Variants in ARHGAP42 observed in about 807,000 individuals in gnomAD.
The protein encoded by ARHGAP42 is Rho GTPase activating protein 42.
ARHGAP42 carries 63 observed loss-of-function variants against 125.0 expected under a neutral mutation model. The observed-to-expected ratio is 0.50, with a 90% CI of 0.41 to 0.62. The LOEUF (loss-of-function observed/expected upper bound fraction) is 0.62, where lower values mean the gene tolerates loss of function less well. Ranked by LOEUF, ARHGAP42 falls within the 20% of genes least tolerant of loss-of-function variation. The pLI is 0.00. For missense variants in ARHGAP42, 766 were observed against 1,024.2 expected (o/e 0.75, Z 3.44); for synonymous variants, 339 against 351.0 (o/e 0.97, Z 0.38).
intron 1 of ARHGAP42, among the ~76,000 whole-genome samples, chr11:100,758,598 T>G (rs1862628608): frequency 6.6e-6 from 1 of 152,138 alleles, no homozygotes; most frequent in African/African-American, 2.4e-5. Flanking sequence ...ATATGTAGGT[T>G]TAGTAACTGA....
At chr11:100,922,690 T>G (rs1390423642) in intron 6 of ARHGAP42, among the ~76,000 whole-genome samples, 1 of 152,206 alleles carries the variant, frequency 6.6e-6, no homozygotes, top group Non-Finnish European at 1.5e-5. Context: ...AAAATACATT[T>G]CACATAAATC....
In ARHGAP42 at chr11:100,895,369, A is replaced by C. The variant is rs141548532; in HGVS notation, c.385-18083A>C. 3.9e-3 allele frequency among the ~76,000 whole-genome samples: 588 copies of C among 151,668 alleles called. 3 individuals carry two copies. Among genetic ancestry groups the C allele is most frequent in the African/African-American group, 0.014 (563 of 41,322 alleles). On this transcript the variant is annotated intron_variant, in intron 4 of 23. Coordinates refer to ENST00000298815, the MANE Select transcript of ARHGAP42 (RefSeq NM_152432.4). ...AGTCAAAATCATTGTCTCTGTCTGT[A>C]TTTCTCTCTCTCCCATGTCTTTATC...
At chr11:100,804,360 C>CA (rs970084968) in intron 3 of ARHGAP42, among the ~76,000 whole-genome samples, 12 of 148,484 alleles carry the variant, frequency 8.1e-5, no homozygotes, top group African/African-American at 1.2e-4. Context: ...TATTTTGGGA[C>CA]AAAAAAAAAT....
chr11:100,771,047 G>A (rs1422122967), intron 2 of ARHGAP42, among the ~76,000 whole-genome samples: 1 of 118,268 alleles, frequency 8.5e-6, no homozygotes, highest in Admixed American at 9.7e-5. Flanking sequence ...CCAGGCACTG[G>A]TTTAAAAAAT....
chr11:100,834,274 A>G (rs989240761), intron 3 of ARHGAP42, among the ~76,000 whole-genome samples: 8 of 152,196 alleles, frequency 5.3e-5, no homozygotes, highest in Non-Finnish European at 5.9e-5. Flanking sequence ...GAGTCAATTC[A>G]TATAGCTACT....
intron 6 of ARHGAP42, among the ~76,000 whole-genome samples, chr11:100,923,139 TA>T (rs1867325669): frequency 6.6e-6 from 1 of 152,162 alleles, no homozygotes; most frequent in East Asian, 1.9e-4. Context: ...AGATGACCAC[TA>T]CTTATGGTTC....
intron 4 of ARHGAP42, among the ~76,000 whole-genome samples, chr11:100,885,475 C>T (rs1378733477): frequency 6.6e-6 from 1 of 152,068 alleles, no homozygotes; most frequent in African/African-American, 2.4e-5. Flanking sequence ...AGTTTAAATC[C>T]CATTTTTTTC....
At chr11:100,826,169 T>C (rs1864511662) in intron 3 of ARHGAP42, among the ~76,000 whole-genome samples, 1 of 152,112 alleles carries the variant, frequency 6.6e-6, no homozygotes, top group Admixed American at 6.6e-5. Flanking sequence ...TATTCCAGGG[T>C]TTTAATAATT....
At chr11:100,694,481 A>C (rs970425547) in intron 1 of ARHGAP42, among the ~76,000 whole-genome samples, 4 of 152,150 alleles carry the variant, frequency 2.6e-5, no homozygotes, top group Admixed American at 6.5e-5. Flanking sequence ...TGTGATTGCC[A>C]CCTTTTCTGG....
At chr11:100,899,404 C>T (rs536666556) in intron 4 of ARHGAP42, among the ~76,000 whole-genome samples, 33 of 151,998 alleles carry the variant, frequency 2.2e-4, no homozygotes, top group Non-Finnish European at 4.1e-4. Context: ...CTTTGTTAAC[C>T]TTCTGTCTCC....
chr11:100,875,041 G>T (rs1435138659), intron 4 of ARHGAP42, among the ~76,000 whole-genome samples: 3 of 148,894 alleles, frequency 2.0e-5, no homozygotes, highest in African/African-American at 7.5e-5. Context: ...TAAGGCAAGG[G>T]TTGGCAAACT....
At chr11:100,929,587 T>G (rs1867520312) in intron 6 of ARHGAP42, among the ~76,000 whole-genome samples, 1 of 152,202 alleles carries the variant, frequency 6.6e-6, no homozygotes, top group Admixed American at 6.5e-5. Flanking sequence ...ATTATCTCAC[T>G]TTTTGAGTCT....
intron 6 of ARHGAP42, among the ~76,000 whole-genome samples, chr11:100,932,392 G>T (rs1867610574): frequency 6.6e-6 from 1 of 152,232 alleles, no homozygotes; most frequent in South Asian, 2.1e-4. Context: ...TAAAATCCCT[G>T]TGAATGAAAT....
At chr11:100,899,099 A>G (rs1866450990) in intron 4 of ARHGAP42, among the ~76,000 whole-genome samples, 1 of 152,086 alleles carries the variant, frequency 6.6e-6, no homozygotes, top group Non-Finnish European at 1.5e-5. Flanking sequence ...TTCGTTATTT[A>G]CCCAGTAGTC....
At chr11:100,977,082 A>T (rs1003044485) in intron 21 of ARHGAP42, 111 bp downstream of exon 21, 4 of 1,265,596 alleles carry the variant, frequency 3.2e-6, no homozygotes, top group Admixed American at 4.7e-5. Context: ...GGAATACTTT[A>T]TCTGTAGAGT....
At chr11:100,952,745 T>TTTTTTTTTTTTA (rs1857698136) in intron 12 of ARHGAP42, among the ~76,000 whole-genome samples, 9 of 149,276 alleles carry the variant, frequency 6.0e-5, no homozygotes, top group Admixed American at 2.0e-4. Context: ...TTTTTTTTTT[T>TTTTTTTTTTTTA]GAGATGGAGT....
chr11:100,905,418 T>A (rs187674217), intron 4 of ARHGAP42, among the ~76,000 whole-genome samples: 106 of 152,294 alleles, frequency 7.0e-4, no homozygotes, highest in African/African-American at 2.3e-3. Flanking sequence ...AAAATGAATA[T>A]TTAGCATCCT....
intron 22 of ARHGAP42, among the ~76,000 whole-genome samples, chr11:100,987,244 C>T (rs1175108266): frequency 6.6e-6 from 1 of 152,082 alleles, no homozygotes; most frequent in African/African-American, 2.4e-5. Context: ...TAAAACCAAC[C>T]TATATTGTTA....
rs1348801954 is a variant in ARHGAP42, at chr11:100,944,005, T to C, written c.1043+137T>C. 4 of 592,568 alleles carry C rather than the reference T, an allele frequency of 6.8e-6. No individual in the cohort carries two copies. The East Asian group carries it at 1.2e-4, about 17-fold the overall frequency. 36.7% of individuals were successfully genotyped at this position (592,568 alleles called of 1,614,324 possible). A position where few individuals can be genotyped will look rare whatever the true frequency, so the allele number is the denominator to read the frequency against. ...CAGTATACATGTTTATCTCTTTCTT[T>C]CATGTTGTTATTACATGATGCTTTC... On this transcript the variant is annotated intron_variant, in intron 10 of 23. Transcript: ENST00000298815.
Sources: gnomAD v4.1 joint callset for allele counts (sites outside exome capture counted in the v4.1 genomes callset) on GRCh38, gnomAD v4.1.1 for gene constraint, MANE v1.5 for transcripts, NCBI Gene and HGNC (gene_info 2026-07-23, HGNC 2026-07-21) for gene names.